The following TMEM117 variants were observed in gnomAD, a reference collection of about 807,000 sequenced individuals.
The protein encoded by TMEM117 is transmembrane protein 117.
Under a neutral mutation model 52.4 loss-of-function variants are expected in TMEM117, and 27 were observed. That is an observed-to-expected ratio of 0.51 (90% CI 0.38 to 0.71). The LOEUF is 0.71. Among genes scored for constraint, TMEM117 ranks in the 30% least tolerant of loss-of-function variants. The pLI is 0.00. For synonymous variants in TMEM117, 215 were observed against 206.3 expected, an observed-to-expected ratio of 1.04 and a Z score of -0.36; for missense variants, 556 against 630.5, an observed-to-expected ratio of 0.88 and a Z score of 1.26.
intron 5 of TMEM117, among the ~76,000 whole-genome samples, chr12:44,251,501 A>G (rs1950196622): frequency 6.6e-6 from 1 of 152,230 alleles, no homozygotes; most frequent in Non-Finnish European, 1.5e-5. Flanking sequence ...GCATTTAATC[A>G]TCTGTGATAG....
chr12:43,949,107 C>T (rs10785482), intron 3 of TMEM117, among the ~76,000 whole-genome samples: 24,512 of 152,052 alleles, frequency 0.16, 2,910 homozygotes, highest in African/African-American at 0.32. Context: ...GGATCTGCAG[C>T]AAACTGGATT....
chr12:44,070,848 A>G (rs1947291129), intron 3 of TMEM117, among the ~76,000 whole-genome samples: 1 of 152,158 alleles, frequency 6.6e-6, no homozygotes. Flanking sequence ...TTTAGAGACT[A>G]TGATTACTTT....
chr12:43,912,534 T>TATATATAA (rs1239034268), intron 2 of TMEM117, among the ~76,000 whole-genome samples: 1 of 130,058 alleles, frequency 7.7e-6, no homozygotes, highest in African/African-American at 2.9e-5. Flanking sequence ...TATATATATA[T>TATATATAA]ATGGCAGAAT....
intron 3 of TMEM117, among the ~76,000 whole-genome samples, chr12:44,039,542 T>C (rs1312305691): frequency 6.6e-6 from 1 of 151,984 alleles, no homozygotes; most frequent in African/African-American, 2.4e-5. Flanking sequence ...AGATTTTGAC[T>C]GGCAATCCAT....
At chr12:44,273,328 C>T (rs1343219316) in intron 5 of TMEM117, among the ~76,000 whole-genome samples, 1 of 151,828 alleles carries the variant, frequency 6.6e-6, no homozygotes, top group Non-Finnish European at 1.5e-5. Context: ...AACAAACCTG[C>T]ATGTTGTGCA....
the TMEM117 span, among the ~76,000 whole-genome samples, chr12:43,827,924 C>T: frequency 2.3e-3 from 350 of 152,176 alleles, 3 homozygotes; most frequent in African/African-American, 8.1e-3. Flanking sequence ...GAAGAGAGGA[C>T]GCGTGAAGAT....
At chr12:44,211,149 C>T in intron 4 of TMEM117, 141 bp from the exon 5 acceptor site, 1 of 639,516 alleles carries the variant, frequency 1.6e-6, no homozygotes, top group Non-Finnish European at 2.7e-6. Flanking sequence ...TGAAGTATAT[C>T]CTAATTTTTG....
intron 5 of TMEM117, among the ~76,000 whole-genome samples, chr12:44,271,924 A>G (rs930984358): frequency 6.6e-6 from 1 of 152,146 alleles, no homozygotes; most frequent in African/African-American, 2.4e-5. Flanking sequence ...AAATGGACAA[A>G]GGAGCTAAAT....
At chr12:44,019,150 T>C (rs150653443) in intron 3 of TMEM117, among the ~76,000 whole-genome samples, 1 of 152,034 alleles carries the variant, frequency 6.6e-6, no homozygotes, top group East Asian at 1.9e-4. Context: ...TGTGTTTTTG[T>C]ATGAAAGAAT....
rs577371385 is a variant in TMEM117, at chr12:43,966,619, T to G, written c.410+22277T>G. On this transcript the variant is annotated intron_variant, in intron 3 of 7. Coordinates refer to ENST00000266534, the MANE Select transcript of TMEM117 (RefSeq NM_032256.3). ...TTTTCATACTCACTTGTAACTAATT[T>G]GCAGCCAAGTTCAGTACTATTAATA... 2.6e-5 allele frequency among the ~76,000 whole-genome samples: 4 copies of G among 152,302 alleles called. No individual in the cohort carries two copies. The South Asian group carries it at 8.3e-4, about 32-fold the overall frequency.
intron 5 of TMEM117, among the ~76,000 whole-genome samples, chr12:44,231,593 A>G (rs901373792): frequency 2.0e-5 from 3 of 151,816 alleles, no homozygotes; most frequent in Non-Finnish European, 4.4e-5. Flanking sequence ...CAATTAGTGT[A>G]TGAAAGTTAT....
At chr12:43,806,268 C>A in the TMEM117 span, 31 of 1,519,120 alleles carry the variant, frequency 2.0e-5, no homozygotes, top group African/African-American at 2.9e-5. Flanking sequence ...TAGCTCCCGG[C>A]TCCGGCGCTG....
At chr12:44,392,551 T>C (rs942294460), downstream of TMEM117, among the ~76,000 whole-genome samples, 1 of 152,100 alleles carries the variant, frequency 6.6e-6, no homozygotes, top group Non-Finnish European at 1.5e-5. Context: ...ACTTTAAGTT[T>C]TAGGGTACAT....
At chr12:44,051,948 G>C (rs1427413315) in intron 3 of TMEM117, among the ~76,000 whole-genome samples, 1 of 152,078 alleles carries the variant, frequency 6.6e-6, no homozygotes, top group Non-Finnish European at 1.5e-5. Context: ...ACTATCTCTG[G>C]GTCAGTAAGG....
At chr12:44,262,667 C>G (rs983756813) in intron 5 of TMEM117, among the ~76,000 whole-genome samples, 1 of 152,122 alleles carries the variant, frequency 6.6e-6, no homozygotes, top group East Asian at 1.9e-4. Flanking sequence ...GATGGAATCT[C>G]GCTCTGCATC....
At chr12:44,353,375 C>A (rs1204883925) in intron 6 of TMEM117, among the ~76,000 whole-genome samples, 3 of 152,118 alleles carry the variant, frequency 2.0e-5, no homozygotes, top group African/African-American at 7.2e-5. Flanking sequence ...CTTGCCCATG[C>A]CTATGTCCTG....
chr12:44,372,137 T>G (rs1951872621), intron 6 of TMEM117, among the ~76,000 whole-genome samples: 1 of 152,138 alleles, frequency 6.6e-6, no homozygotes, highest in Admixed American at 6.6e-5. Context: ...TATTGTAAGA[T>G]TTAATAGCAG....
chr12:44,032,913 T>C (rs1946655509), intron 3 of TMEM117, among the ~76,000 whole-genome samples: 1 of 152,144 alleles, frequency 6.6e-6, no homozygotes, highest in South Asian at 2.1e-4. Flanking sequence ...GGGAGGAATG[T>C]CAGAGGTGTG....
intron 2 of TMEM117, among the ~76,000 whole-genome samples, chr12:43,888,426 C>T (rs564783277): frequency 5.3e-5 from 8 of 151,842 alleles, no homozygotes; most frequent in African/African-American, 1.2e-4. Flanking sequence ...ATCATCAGTG[C>T]GAATGAATTG....
Sources: allele counts gnomAD v4.1 joint callset (sites outside exome capture counted in the v4.1 genomes callset), GRCh38; gene constraint gnomAD v4.1.1; transcripts MANE v1.5; gene names NCBI Gene and HGNC (gene_info 2026-07-23, HGNC 2026-07-21).